CPEB1: variants seen among roughly 807,000 people sequenced by gnomAD.
The protein encoded by CPEB1 is cytoplasmic polyadenylation element-binding protein 1.
A neutral mutation model predicts 65.8 loss-of-function variants in CPEB1; 7 were observed. That is an observed-to-expected ratio of 0.11 (90% CI 0.06 to 0.20). The LOEUF (loss-of-function observed/expected upper bound fraction) is 0.20, where lower values mean the gene tolerates loss of function less well. Ranked by LOEUF, CPEB1 falls within the 10% of genes least tolerant of loss-of-function variation. The pLI, the probability that CPEB1 is intolerant of heterozygous loss-of-function variation, is 1.00. For synonymous variants in CPEB1, 262 were observed against 260.0 expected, an observed-to-expected ratio of 1.01 and a Z score of -0.08; for missense variants, 551 against 712.2, an observed-to-expected ratio of 0.77 and a Z score of 2.58.
intron 3 of CPEB1, among the ~76,000 whole-genome samples, chr15:82,594,342 C>A (rs557763577): frequency 6.7e-4 from 99 of 148,106 alleles, no homozygotes; most frequent in Non-Finnish European, 1.1e-3. Context: ...CAGCTTCTTC[C>A]CTTAAACCTC....
chr15:82,610,955 T>A, intron 3 of CPEB1, among the ~76,000 whole-genome samples: 3 of 38,052 alleles, frequency 7.9e-5, no homozygotes, highest in African/African-American at 1.3e-4. Flanking sequence ...GAGACTCCAG[T>A]CTCAAAAAAA....
At chr15:82,597,127 T>G (rs2042725346) in intron 3 of CPEB1, among the ~76,000 whole-genome samples, 1 of 152,084 alleles carries the variant, frequency 6.6e-6, no homozygotes, top group African/African-American at 2.4e-5. Flanking sequence ...GAGTTCAAGC[T>G]CAGACTGGGC....
At chr15:82,621,146 T>C (rs1358709312) in intron 3 of CPEB1, among the ~76,000 whole-genome samples, 2 of 152,200 alleles carry the variant, frequency 1.3e-5, no homozygotes, top group Non-Finnish European at 2.9e-5. Context: ...TTTCAGACAA[T>C]TTAGTGACGA....
At chr15:82,560,989 G>T in intron 4 of CPEB1, among the ~76,000 whole-genome samples, 1 of 152,248 alleles carries the variant, frequency 6.6e-6, no homozygotes, top group East Asian at 1.9e-4. Flanking sequence ...AATGGGTCGT[G>T]CATTATAGGC....
intron 1 of CPEB1, chr15:82,629,007 T>G (rs2046012052): frequency 6.4e-6 from 1 of 156,408 alleles, no homozygotes; most frequent in Non-Finnish European, 1.4e-5. Flanking sequence ...GATATTTGAC[T>G]GTGGGGGTTG....
intron 3 of CPEB1, among the ~76,000 whole-genome samples, chr15:82,616,990 T>C (rs551926218): frequency 3.3e-4 from 51 of 152,318 alleles, no homozygotes; most frequent in African/African-American, 1.2e-3. Flanking sequence ...AAAAGTTTAT[T>C]TATTTCATTA....
intron 4 of CPEB1, among the ~76,000 whole-genome samples, 175 bp downstream of exon 4, chr15:82,571,169 C>CTG (rs2039969922): frequency 6.6e-6 from 1 of 152,236 alleles, no homozygotes; most frequent in Non-Finnish European, 1.5e-5. Context: ...GTGGAGCCAT[C>CTG]TGTCCTGCCA....
chr15:82,644,858 T>A (rs1324963119), intron 1 of CPEB1, among the ~76,000 whole-genome samples: 4 of 152,250 alleles, frequency 2.6e-5, no homozygotes, highest in Non-Finnish European at 5.9e-5. Flanking sequence ...TATCATTTGG[T>A]CACTAGTTAA....
intron 3 of CPEB1, among the ~76,000 whole-genome samples, chr15:82,584,902 G>GTTTTTTTTTTT (rs1491170341): frequency 1.1e-3 from 24 of 22,760 alleles, no homozygotes; most frequent in African/African-American, 4.3e-3. Context: ...TTCCTAATTT[G>GTTTTTTTTTTT]CTTTTTTTTT....
At chr15:82,563,528 G>A (rs1232741357) in intron 4 of CPEB1, among the ~76,000 whole-genome samples, 2 of 146,986 alleles carry the variant, frequency 1.4e-5, no homozygotes, top group Non-Finnish European at 3.0e-5. Context: ...TTTTGGTAGA[G>A]GCAGGATCTC....
upstream of CPEB1, chr15:82,648,543 A>C (rs2047757661): frequency 6.6e-6 from 1 of 152,368 alleles, no homozygotes; most frequent in Non-Finnish European, 1.5e-5. Flanking sequence ...AGTTCTCCGG[A>C]GAAACCGCTT....
chr15:82,609,906 C>T (rs1031943132), intron 3 of CPEB1, among the ~76,000 whole-genome samples: 12 of 151,572 alleles, frequency 7.9e-5, no homozygotes, highest in African/African-American at 2.7e-4. Context: ...ACTAAAAATA[C>T]AAAATTAGCC....
intron 4 of CPEB1, among the ~76,000 whole-genome samples, chr15:82,564,934 G>A (rs1007287514): frequency 2.6e-5 from 4 of 151,976 alleles, no homozygotes; most frequent in Non-Finnish European, 5.9e-5. Flanking sequence ...ATAGAAAAAC[G>A]GGGAAAGGAC....
chr15:82,595,970 C>G (rs890205490), intron 3 of CPEB1, among the ~76,000 whole-genome samples: 2 of 152,064 alleles, frequency 1.3e-5, no homozygotes, highest in African/African-American at 2.4e-5. Flanking sequence ...CTAGAGGGGG[C>G]CGAGGGACAT....
chr15:82,564,618 G>T (rs1231406204), intron 4 of CPEB1, among the ~76,000 whole-genome samples: 1 of 152,168 alleles, frequency 6.6e-6, no homozygotes, highest in Non-Finnish European at 1.5e-5. Context: ...GACTTAGAGT[G>T]TAATACAGAT....
chr15:82,546,446 C>A lies in CPEB1; in HGVS notation c.1651G>T (p.Asp551Tyr). 1 of 1,613,652 alleles carries A rather than the reference C, an allele frequency of 6.2e-7. No individual in the cohort carries two copies. Among genetic ancestry groups the A allele is most frequent in the Non-Finnish European group, 8.5e-7 (1 of 1,179,594 alleles). ...TTCATAGACATCGGACCCACCTGAT[C>A]TCGACAGAAGAAAGGACCAGGCTGA... is the stretch of plus-strand genomic sequence containing the variant. ...SSQPGPFFCR[D>Y]QVCFKYFCRS... Residue 551 changes from aspartate to tyrosine, a missense_variant, in exon 12 of 13, where the codon GAT becomes TAT. Around this residue, in one of 6 missense-constraint regions of CPEB1, gnomAD observed 98 missense variants for 157.6 expected, o/e 0.62. Coordinates refer to ENST00000684509, the MANE Select transcript of CPEB1 (RefSeq NM_001365242.1).
intron 3 of CPEB1, among the ~76,000 whole-genome samples, chr15:82,597,277 G>C (rs986838324): frequency 6.6e-6 from 1 of 152,194 alleles, no homozygotes. Flanking sequence ...AATGAGCAGT[G>C]ATCAAAATGT....
intron 3 of CPEB1, among the ~76,000 whole-genome samples, chr15:82,578,346 T>G (rs2040887231): frequency 6.6e-6 from 1 of 152,158 alleles, no homozygotes; most frequent in Non-Finnish European, 1.5e-5. Flanking sequence ...ACATGACTAA[T>G]TTTTTGCACA....
At chr15:82,548,229 G>C (rs1192893179) in intron 10 of CPEB1, among the ~76,000 whole-genome samples, 2 of 152,040 alleles carry the variant, frequency 1.3e-5, no homozygotes, top group African/African-American at 4.8e-5. Context: ...CAGCTACTCA[G>C]GAGGCTGAGG....
Sources: gnomAD v4.1 joint callset for allele counts (sites outside exome capture counted in the v4.1 genomes callset) on GRCh38, gnomAD v4.1.1 for gene constraint, gnomAD v4.1.1 regional missense constraint, MANE v1.5 for transcripts, NCBI Gene and HGNC (gene_info 2026-07-23, HGNC 2026-07-21) for gene names.